The following LPA variants were observed in gnomAD, a reference collection of about 807,000 sequenced individuals.
LPA encodes apolipoprotein(a).
LPA carries 199 observed loss-of-function variants against 197.9 expected under a neutral mutation model. The ratio of observed to expected loss-of-function variants is 1.01; its 90% CI spans 0.90 to 1.13. The LOEUF is 1.13. Among genes scored for constraint, LPA ranks in the 50% most tolerant of loss-of-function variants. LPA has a pLI of 0.00. For synonymous variants in LPA, 715 were observed against 639.5 expected, an observed-to-expected ratio of 1.12 and a Z score of -1.78; for missense variants, 1,853 against 1,785.8, an observed-to-expected ratio of 1.04 and a Z score of -0.68.
At chr6:160,574,095 G>A (rs557597795) in intron 28 of LPA, among the ~76,000 whole-genome samples, 2 of 152,184 alleles carry the variant, frequency 1.3e-5, no homozygotes, top group South Asian at 2.1e-4. Context: ...GTGTGGGGGT[G>A]AAGTTCCCAG....
intron 32 of LPA, among the ~76,000 whole-genome samples, chr6:160,547,328 G>T (rs879332364): frequency 4.6e-5 from 7 of 152,152 alleles, no homozygotes; most frequent in Admixed American, 3.9e-4. Context: ...AATAGGGTTT[G>T]TGCTATGATA....
At chr6:160,607,135 G>T (rs986359894) in intron 16 of LPA, among the ~76,000 whole-genome samples, 3 of 151,962 alleles carry the variant, frequency 2.0e-5, no homozygotes, top group Non-Finnish European at 4.4e-5. Context: ...AAAAACATGG[G>T]ATCCAGGAGG....
At chr6:160,608,063 G>A (rs1336518421) in intron 16 of LPA, among the ~76,000 whole-genome samples, 1 of 152,084 alleles carries the variant, frequency 6.6e-6, no homozygotes, top group Non-Finnish European at 1.5e-5. Context: ...TAAATATATT[G>A]CTATCATTTT....
rs539945125 is a variant in LPA at position 160,592,529 on chromosome 6, G to A, written c.3630-1428C>T. Among the ~76,000 whole-genome samples, 7 of 152,146 alleles carry A rather than the reference G, an allele frequency of 4.6e-5. No individual in the cohort carries two copies. In the South Asian group the frequency reaches 8.3e-4, roughly 18 times the overall value. On this transcript the variant is annotated intron_variant, in intron 22 of 38. Coordinates refer to ENST00000316300, the MANE Select transcript of LPA (RefSeq NM_005577.4). ...ATGCCATAATTTCTATTATTTCTGG[G>A]CCTATTTGTGTTGAGTGATTTTTCT...
intron 19 of LPA, among the ~76,000 whole-genome samples, chr6:160,600,007 C>G (rs1169377998): frequency 6.6e-6 from 1 of 152,162 alleles, no homozygotes; most frequent in African/African-American, 2.4e-5. Context: ...AAGGGTGATG[C>G]ATTTGGCAAA....
chr6:160,551,303 C>T (rs1013438401), intron 30 of LPA, among the ~76,000 whole-genome samples: 1 of 152,150 alleles, frequency 6.6e-6, no homozygotes, highest in Admixed American at 6.6e-5. Flanking sequence ...AGATACTGGA[C>T]ATTTTTTCAG....
chr6:160,559,715 T>G (rs961015153), intron 28 of LPA, among the ~76,000 whole-genome samples: 3 of 152,248 alleles, frequency 2.0e-5, no homozygotes, highest in African/African-American at 7.2e-5. Flanking sequence ...TTTAAGTTTA[T>G]GTGAGTCCTT....
intron 16 of LPA, among the ~76,000 whole-genome samples, chr6:160,609,250 A>G (rs1443117176): frequency 6.6e-6 from 1 of 152,030 alleles, no homozygotes; most frequent in Admixed American, 6.6e-5. Flanking sequence ...GCAGTGCACA[A>G]TATGCATTTA....
chr6:160,542,879 G>A lies in LPA; in HGVS notation c.5399-71C>T, dbSNP rs541936014. Reference sequence around the variant, plus strand: ...GCAATTGTGTCGTTTAATTCAGGACGAATTCCAAGCACTAGTTTTTCACAT... The same window carrying A: ...GCAATTGTGTCGTTTAATTCAGGACAAATTCCAAGCACTAGTTTTTCACAT... On this transcript the variant is annotated intron_variant, in intron 33 of 38. Transcript: ENST00000316300. The A allele has an allele frequency of 2.5e-4, 400 of 1,600,490 alleles. 5 individuals carry two copies. In the South Asian group the frequency reaches 2.8e-3, roughly 11 times the overall value.
chr6:160,607,134 G>A (rs1448251235), intron 16 of LPA, among the ~76,000 whole-genome samples: 2 of 151,910 alleles, frequency 1.3e-5, no homozygotes, highest in Admixed American at 6.6e-5. Flanking sequence ...AAAAAACATG[G>A]GATCCAGGAG....
intron 22 of LPA, among the ~76,000 whole-genome samples, chr6:160,592,018 A>G (rs1261466357): frequency 1.3e-5 from 2 of 152,182 alleles, no homozygotes; most frequent in Non-Finnish European, 2.9e-5. Flanking sequence ...TTAAAAATCT[A>G]TACCTGAGTC....
intron 26 of LPA, among the ~76,000 whole-genome samples, chr6:160,581,951 A>G (rs1778809815): frequency 6.6e-6 from 1 of 151,896 alleles, no homozygotes; most frequent in Non-Finnish European, 1.5e-5. Flanking sequence ...TTTTGTTTTG[A>G]TAGTATTTTG....
chr6:160,658,891 TGAGAGA>T (rs4063599), intron 1 of LPA, among the ~76,000 whole-genome samples: 3 of 149,044 alleles, frequency 2.0e-5, no homozygotes, highest in Non-Finnish European at 3.0e-5. Flanking sequence ...TATATATATA[TGAGAGA>T]GAGAGAGAGA....
At chr6:160,650,236 T>A in intron 2 of LPA, 102 bp downstream of exon 2, 6 of 1,155,256 alleles carry the variant, frequency 5.2e-6, no homozygotes, top group Non-Finnish European at 2.6e-6. Flanking sequence ...GCATTCTATG[T>A]GTGAGAAAAA....
Position 160,555,440 on chromosome 6 carries a change from T to C in LPA, c.4973+585A>G, listed in dbSNP as rs1291644045. On this transcript the variant is annotated intron_variant, in intron 30 of 38. Transcript: ENST00000316300. The stretch of plus-strand genomic sequence containing the variant: ...ACCTTGCATGTTTCCCTAGAACATA[T>C]ATATATATATATATATGTGTGTGTA... 5.0e-5 allele frequency among the ~76,000 whole-genome samples: 7 copies of C among 141,346 alleles called. No homozygotes were observed. The East Asian group carries it at 1.2e-3, about 24-fold the overall frequency. The allele number at this position is 141,346 out of a possible 152,430, so 92.7% of individuals were successfully genotyped here. A position where few individuals can be genotyped will look rare whatever the true frequency, so the allele number is the denominator to read the frequency against.
At chr6:160,601,408 A>G (rs1779240639) in intron 18 of LPA, among the ~76,000 whole-genome samples, 1 of 152,148 alleles carries the variant, frequency 6.6e-6, no homozygotes, top group South Asian at 2.1e-4. Context: ...TGCCCAATCC[A>G]TCTCTCTGGA....
intron 28 of LPA, among the ~76,000 whole-genome samples, chr6:160,574,261 A>G (rs1300991252): frequency 6.6e-6 from 1 of 152,094 alleles, no homozygotes; most frequent in Non-Finnish European, 1.5e-5. Flanking sequence ...CCAACCCCGC[A>G]ACAGCTCCAA....
intron 37 of LPA, among the ~76,000 whole-genome samples, chr6:160,534,462 G>A (rs1030378791): frequency 2.0e-5 from 3 of 152,154 alleles, no homozygotes; most frequent in Non-Finnish European, 4.4e-5. Flanking sequence ...CTCTGATGGC[G>A]CCCTGGAGAC....
At chr6:160,647,161 A>G (rs2115093910) in intron 2 of LPA, among the ~76,000 whole-genome samples, 1 of 152,240 alleles carries the variant, frequency 6.6e-6, no homozygotes, top group East Asian at 1.9e-4. Flanking sequence ...CCACTCCAGA[A>G]CTGGGGGATG....
Sources: allele counts gnomAD v4.1 joint callset (sites outside exome capture counted in the v4.1 genomes callset), GRCh38; gene constraint gnomAD v4.1.1; transcripts MANE v1.5; gene names NCBI Gene and HGNC (gene_info 2026-07-23, HGNC 2026-07-21).